The following REXO1 variants were observed in gnomAD, a reference collection of about 807,000 sequenced individuals.
REXO1 encodes REX1, RNA exonuclease 1 homolog.
Under a neutral mutation model 102.6 loss-of-function variants are expected in REXO1, and 42 were observed. The ratio of observed to expected loss-of-function variants is 0.41; its 90% CI spans 0.32 to 0.53. The LOEUF (loss-of-function observed/expected upper bound fraction) is 0.53. Among genes scored for constraint, REXO1 ranks in the 20% least tolerant of loss-of-function variants. The probability of loss-of-function intolerance (pLI) is 0.27; values close to 1 mark genes in which losing one functional copy is unlikely to be tolerated. For synonymous variants in REXO1, 908 were observed against 779.1 expected, an observed-to-expected ratio of 1.17 and a Z score of -2.76; for missense variants, 1,819 against 1,732.5, an observed-to-expected ratio of 1.05 and a Z score of -0.89.
intron 1 of REXO1, among the ~76,000 whole-genome samples, chr19:1,842,266 G>A (rs1420555544): frequency 3.3e-5 from 5 of 151,162 alleles, no homozygotes; most frequent in Non-Finnish European, 7.4e-5. Context: ...AACAGCAGGC[G>A]GGGCCGCCAG....
At chr19:1,816,925 A>C in intron 12 of REXO1, 112 bp from the exon 13 acceptor site, 2 of 822,784 alleles carry the variant, frequency 2.4e-6, no homozygotes, top group Non-Finnish European at 3.9e-6. Flanking sequence ...GTGACCAGAG[A>C]CTCTGTGGGA....
rs1245949425 is a variant in REXO1, at chr19:1,815,924, C to G, written c.*142G>C. 1 of 1,534,556 alleles carries G rather than the reference C, an allele frequency of 6.5e-7. No homozygotes were observed. Among genetic ancestry groups the G allele is most frequent in the African/African-American group, 1.4e-5 (1 of 72,996 alleles). On this transcript the variant is annotated 3_prime_UTR_variant, in exon 16 of 16. Transcript: ENST00000170168. The surrounding 1 kb of genome is among the most constrained non-coding windows in gnomAD (Gnocchi z 4.0). ...GGGGGTGGGCTGGGCTGGGCGTTCTCTGGCCGCCAGCTCATCCCGCTGCTC... is the reference window on the plus strand; with the variant it reads ...GGGGGTGGGCTGGGCTGGGCGTTCTGTGGCCGCCAGCTCATCCCGCTGCTC...
chr19:1,816,195 G>A, intron 15 of REXO1, 30 bp downstream of exon 15: 2 of 1,568,764 alleles, frequency 1.3e-6, no homozygotes, highest in South Asian at 1.2e-5. Flanking sequence ...CCTGCGCAGG[G>A]ACGGCCCCAG....
chr19:1,842,611 A>C (rs2011338507), intron 1 of REXO1, among the ~76,000 whole-genome samples: 1 of 152,254 alleles, frequency 6.6e-6, no homozygotes, highest in African/African-American at 2.4e-5. Flanking sequence ...TCCGGAAGTC[A>C]GGTGAGGACC....
At position 1,816,125 on chromosome 19, in the gene REXO1, C is replaced by T. The variant is rs150797218; in HGVS notation, c.3607G>A (p.Gly1203Ser). ...VDGHSSSEDA[G>S]ACMHLVIWKV... The stretch of plus-strand genomic sequence containing the variant: ...CAGATCACCAGGTGCATGCAGGCGC[C>T]GGCGTCCTCGCTGGAGCTGTGCCCA... Residue 1203 changes from glycine (G) to serine (S), a missense_variant, in exon 16 of 16, where the codon GGC becomes AGC. Transcript: ENST00000170168. 196 of 1,549,952 alleles carry T rather than the reference C, an allele frequency of 1.3e-4. No individual in the cohort carries two copies. In the African/African-American group the frequency reaches 1.7e-3, roughly 13 times the overall value.
chr19:1,842,053 A>G (rs937713739), intron 1 of REXO1, among the ~76,000 whole-genome samples: 3 of 152,142 alleles, frequency 2.0e-5, no homozygotes, highest in Admixed American at 6.5e-5. Context: ...TCTACTAAAA[A>G]TACAAAAATT....
chr19:1,827,226 G>T lies in REXO1; in HGVS notation c.1563C>A (p.Leu521=). ...CCTCGTCCTCACTCTCGTCCCCAAA[G>T]AGGTCGGCGTGGCTCAGGGCCCGCT... ...LKKRALSHAD[L]FGDESEDEAA... is the part of the protein sequence containing the mutation. The change falls in exon 2 of 16, where the codon CTC becomes CTA. Residue 521 remains leucine (L), a synonymous_variant. Transcript: ENST00000170168. The T allele has an allele frequency of 6.5e-7, 1 of 1,545,744 alleles. No individual in the cohort carries two copies. The highest frequency in any genetic ancestry group is 8.7e-7 in the Non-Finnish European group (1 of 1,150,308).
At chr19:1,836,194 T>C (rs1205550180) in intron 1 of REXO1, among the ~76,000 whole-genome samples, 2 of 152,078 alleles carry the variant, frequency 1.3e-5, no homozygotes, top group Non-Finnish European at 2.9e-5. Context: ...TCCCCAGCAA[T>C]GGGGAGAACC....
chr19:1,830,547 G>GT (rs1270928115), intron 1 of REXO1, among the ~76,000 whole-genome samples: 2 of 152,192 alleles, frequency 1.3e-5, no homozygotes, highest in Admixed American at 6.5e-5. Flanking sequence ...ATGTAATTCC[G>GT]TAACATCTCT....
At chr19:1,837,555 C>A (rs1225054676) in intron 1 of REXO1, among the ~76,000 whole-genome samples, 1 of 152,214 alleles carries the variant, frequency 6.6e-6, no homozygotes, top group Non-Finnish European at 1.5e-5. Context: ...GCTTCCAATA[C>A]CCTCTCTGAA....
intron 5 of REXO1, 30 bp from the exon 6 acceptor site, chr19:1,820,425 G>A: frequency 6.2e-7 from 1 of 1,610,154 alleles, no homozygotes; most frequent in South Asian, 1.1e-5. Flanking sequence ...TGCCATGGGT[G>A]AGGGCCTCCA....
Position 1,825,324 on chromosome 19 carries a change from A to C in REXO1, c.2016+515T>G, listed in dbSNP as rs922085331. Among the ~76,000 whole-genome samples, 9 of 80,728 alleles carry C rather than the reference A, an allele frequency of 1.1e-4. No individual in the cohort carries two copies. The East Asian group carries it at 1.3e-3, about 12-fold the overall frequency. The allele number at this position is 80,728 out of a possible 152,430, so 53.0% of individuals were successfully genotyped here. On this transcript the variant is annotated intron_variant, in intron 3 of 15. Transcript: ENST00000170168. ...CAAAAAAAAAAAAAAAAAAAAAAAC[A>C]ACCAAAAAACAAACAAACAGAAAAC...
chr19:1,847,854 G>T (rs1157970303), intron 1 of REXO1, among the ~76,000 whole-genome samples: 1 of 152,186 alleles, frequency 6.6e-6, no homozygotes, highest in Non-Finnish European at 1.5e-5. Context: ...GGGGCAGGAG[G>T]AGTCCAGGAC....
intron 1 of REXO1, among the ~76,000 whole-genome samples, chr19:1,847,854 G>A (rs1157970303): frequency 4.6e-5 from 7 of 152,186 alleles, no homozygotes; most frequent in Non-Finnish European, 7.3e-5. Flanking sequence ...GGGGCAGGAG[G>A]AGTCCAGGAC....
rs1194267110 is a variant in REXO1, at chr19:1,827,133, GGAGTCT to G, written c.1650_1655del (p.Asp555_Ser556del). On this transcript the variant is annotated inframe_deletion, in exon 2 of 16. Transcript: ENST00000170168. ...GGAAGCCCAGGCTGGAGTCTGAGTC[GGAGTCT>G]GAGTCCGAGCTGAGGCTGGGGAGGG... The G allele has an allele frequency of 4.5e-6, 7 of 1,542,176 alleles. No individual in the cohort carries two copies. The highest frequency in any genetic ancestry group is 6.1e-6 in the Non-Finnish European group (7 of 1,146,284).
chr19:1,827,306 G>A lies in REXO1; in HGVS notation c.1483C>T (p.Arg495Trp), dbSNP rs774459639. The part of the protein sequence containing the change: ...TKAPSGKLVE[R>W]KARSLDEGAS... ...CCCTCGTCTAGTGAGCGGGCTTTCC[G>A]CTCCACTAGCTTCCCCGACGGGGCC... The change falls in exon 2 of 16, where the codon CGG becomes TGG. Residue 495 changes from arginine (R) to tryptophan (W), a missense_variant. Coordinates refer to ENST00000170168, the MANE Select transcript of REXO1 (RefSeq NM_020695.4). 1.2e-5 allele frequency: 18 copies of A among 1,561,264 alleles called. No individual in the cohort carries two copies. The highest frequency in any genetic ancestry group is 7.1e-5 in the East Asian group (3 of 42,462).
chr19:1,819,834 T>C (rs1468001375), intron 7 of REXO1, 100 bp downstream of exon 7: 7 of 1,278,464 alleles, frequency 5.5e-6, no homozygotes, highest in African/African-American at 4.6e-5. Flanking sequence ...TCTGAGACTG[T>C]GGCTGAGCTC....
At chr19:1,839,202 C>G (rs1049061828) in intron 1 of REXO1, among the ~76,000 whole-genome samples, 9 of 150,208 alleles carry the variant, frequency 6.0e-5, no homozygotes, top group Non-Finnish European at 1.2e-4. Context: ...TTGCAGTGAG[C>G]CAAGATCACG....
chr19:1,844,284 G>A (rs2011437300), intron 1 of REXO1, among the ~76,000 whole-genome samples: 1 of 152,234 alleles, frequency 6.6e-6, no homozygotes, highest in South Asian at 2.1e-4. Flanking sequence ...TCTGTAAACT[G>A]GGAAGAGCCA....
Sources: allele counts gnomAD v4.1 joint callset (sites outside exome capture counted in the v4.1 genomes callset), GRCh38; gene constraint gnomAD v4.1.1; non-coding constraint Gnocchi (gnomAD v3.1); transcripts MANE v1.5; gene names NCBI Gene and HGNC (gene_info 2026-07-23, HGNC 2026-07-21).